The following FAIM2 variants were observed in gnomAD, a reference collection of about 807,000 sequenced individuals.
FAIM2 encodes the protein Fas apoptotic inhibitory molecule 2.
FAIM2 carries 27 observed loss-of-function variants against 47.4 expected under a neutral mutation model. That is an observed-to-expected ratio of 0.57 (90% confidence interval 0.42 to 0.78). The LOEUF is 0.78. Ranked by LOEUF, FAIM2 falls within the 30% of genes least tolerant of loss-of-function variation. The pLI is 0.00. For synonymous variants in FAIM2, 156 were observed against 159.3 expected (o/e 0.98, Z 0.16); for missense variants, 311 against 389.4 (o/e 0.80, Z 1.69).
At position 49,879,351 on chromosome 12, in the gene FAIM2, TGA is replaced by T. The variant is rs1156986964; in HGVS notation, c.801+8033_801+8034del. ...GTGTGTATGTGTTTATGTGTGCATG[TGA>T]GTGCATGTGTGTGCATGTGTGTATA... is the stretch of plus-strand genomic sequence containing the variant. On this transcript the variant is annotated intron_variant, in intron 11 of 11. Coordinates refer to ENST00000320634, the MANE Select transcript of FAIM2 (RefSeq NM_012306.4). Among the ~76,000 whole-genome samples, 248 of 151,300 alleles carry T rather than the reference TGA, an allele frequency of 1.6e-3. 1 individual carries two copies. The highest frequency in any genetic ancestry group is 0.016 in the South Asian group (77 of 4,758).
intron 6 of FAIM2, 75 bp from the exon 7 acceptor site, chr12:49,890,797 G>A: frequency 7.5e-7 from 1 of 1,340,360 alleles, no homozygotes; most frequent in Non-Finnish European, 1.1e-6. Flanking sequence ...CACTGTTGCA[G>A]GGAGGGGGTC....
intron 7 of FAIM2, 104 bp from the exon 8 acceptor site, chr12:49,890,258 A>C (rs778598510): frequency 7.0e-5 from 72 of 1,021,906 alleles, no homozygotes; most frequent in Non-Finnish European, 9.6e-5. Context: ...GTACCCCTCA[A>C]CTCTTTGTCT....
At position 49,867,255 on chromosome 12, in the gene FAIM2, T is replaced by G. The variant is rs1158258171; in HGVS notation, c.*3249A>C. 6.6e-6 allele frequency: 1 copy of G among 152,130 alleles called. No homozygotes were observed. Among genetic ancestry groups the G allele is most frequent in the African/African-American group, 2.4e-5 (1 of 41,382 alleles). The allele number at this position is 152,130 out of a possible 1,614,324, so 9.4% of individuals were successfully genotyped here. ...TCCAGCCACATGGGCCCTCGGTGACTCTCCCAAACCAGGCCCTGCGTTTCC... is the reference window on the plus strand; with the variant it reads ...TCCAGCCACATGGGCCCTCGGTGACGCTCCCAAACCAGGCCCTGCGTTTCC... On this transcript the variant is annotated 3_prime_UTR_variant, in exon 12 of 12. Transcript: ENST00000320634.
intron 11 of FAIM2, among the ~76,000 whole-genome samples, chr12:49,879,972 G>GTGTA (rs1313877639): frequency 0.015 from 1,298 of 87,562 alleles, 5 homozygotes; most frequent in Admixed American, 0.032. Flanking sequence ...GCATGTGTGT[G>GTGTA]TATATGTGAG....
chr12:49,900,086 G>A (rs1946971258), intron 2 of FAIM2: 5 of 633,590 alleles, frequency 7.9e-6, no homozygotes, highest in Non-Finnish European at 1.2e-5. Context: ...ACAGAGGGAA[G>A]GGGAAAAGAG....
intron 1 of FAIM2, chr12:49,902,193 C>T (rs1362619901): frequency 6.6e-6 from 1 of 152,144 alleles, no homozygotes; most frequent in East Asian, 1.9e-4. Flanking sequence ...GCCCCCCACC[C>T]GTGGACATGT....
Position 49,867,690 on chromosome 12 carries a change from G to A in FAIM2, c.*2814C>T, listed in dbSNP as rs903866663. 4.6e-5 allele frequency: 7 copies of A among 152,246 alleles called. No homozygotes were observed. Among genetic ancestry groups the A allele is most frequent in the Non-Finnish European group, 1.0e-4 (7 of 68,090 alleles). 9.4% of individuals were successfully genotyped at this position (152,246 alleles called of 1,614,324 possible). ...GCCCAGCCCCACCCAGGCCAAAAAT[G>A]TGAAGGGCCTGCAGACTCCCTTCCT... On this transcript the variant is annotated 3_prime_UTR_variant, in exon 12 of 12. Transcript: ENST00000320634.
intron 3 of FAIM2, among the ~76,000 whole-genome samples, 183 bp from the exon 4 acceptor site, chr12:49,897,766 C>A (rs1485977844): frequency 6.6e-6 from 1 of 151,378 alleles, no homozygotes; most frequent in African/African-American, 2.4e-5. Context: ...CCAAGCGCAC[C>A]CCCCCCCAGC....
chr12:49,890,925 T>G (rs1381276762), intron 6 of FAIM2, 139 bp downstream of exon 6: 1 of 915,582 alleles, frequency 1.1e-6, no homozygotes, highest in African/African-American at 1.6e-5. Context: ...AGGGAGGGGC[T>G]GCCTGCTCGA....
chr12:49,898,971 T>TG (rs1212530858), intron 2 of FAIM2, among the ~76,000 whole-genome samples: 4 of 151,314 alleles, frequency 2.6e-5, no homozygotes, highest in Admixed American at 6.6e-5. Context: ...GGGCAAGAAG[T>TG]GGGGGTGAGG....
At chr12:49,873,542 G>C (rs1176534193) in intron 11 of FAIM2, among the ~76,000 whole-genome samples, 5 of 152,114 alleles carry the variant, frequency 3.3e-5, no homozygotes, top group East Asian at 3.9e-4. Context: ...AGCTTGCTTG[G>C]TTGGTTTCCC....
Position 49,897,579 on chromosome 12 carries a change from T to A in FAIM2, c.320A>T (p.Tyr107Phe), listed in dbSNP as rs140168971. 1 of 1,613,700 alleles carries A rather than the reference T, an allele frequency of 6.2e-7. No individual in the cohort carries two copies. The highest frequency in any genetic ancestry group is 8.5e-7 in the Non-Finnish European group (1 of 1,179,754). The change falls in exon 4 of 12, where the codon TAC becomes TTC. Residue 107 changes from tyrosine to phenylalanine, a missense_variant. Coordinates refer to ENST00000320634, the MANE Select transcript of FAIM2 (RefSeq NM_012306.4). Reference protein sequence around the residue: ...KVRRVFVRKVYTILLIQLLVT... With the variant: ...KVRRVFVRKVFTILLIQLLVT... ...CAGCAGCTGAATCAGCAGGATGGTG[T>A]AGACCTGGGGGTGGGAGGGGTTCTA...
At chr12:49,896,668 A>G (rs1182662156) in intron 5 of FAIM2, among the ~76,000 whole-genome samples, 1 of 152,260 alleles carries the variant, frequency 6.6e-6, no homozygotes, top group East Asian at 1.9e-4. Context: ...TACTAACAAC[A>G]TTAATAAGAG....
chr12:49,882,701 G>C (rs1452330614), intron 11 of FAIM2, among the ~76,000 whole-genome samples: 1 of 152,152 alleles, frequency 6.6e-6, no homozygotes, highest in Non-Finnish European at 1.5e-5. Context: ...TAGCCTGTGC[G>C]TCCTCTGCCT....
chr12:49,891,490 TCTTTA>T (rs1393063158), intron 5 of FAIM2, among the ~76,000 whole-genome samples: 1 of 152,150 alleles, frequency 6.6e-6, no homozygotes, highest in Non-Finnish European at 1.5e-5. Context: ...AATCCTCATA[TCTTTA>T]CTTTACTGCT....
At chr12:49,878,001 CATGTGCATGTGTGT>C (rs1168504808) in intron 11 of FAIM2, among the ~76,000 whole-genome samples, 67 of 145,584 alleles carry the variant, frequency 4.6e-4, no homozygotes, top group African/African-American at 1.7e-3. Flanking sequence ...TGTATGTGTG[CATGTGCATGTGTGT>C]ATGTGTGAGT....
chr12:49,887,355 G>A lies in FAIM2; in HGVS notation c.801+31C>T, dbSNP rs759970003. On this transcript the variant is annotated intron_variant, in intron 11 of 11. Transcript: ENST00000320634. The stretch of plus-strand genomic sequence containing the variant: ...GGGGTGATGGTCAGGATGCTGGGAA[G>A]GAGGCTGCCAAGGAGCTAGACCACA... 9 of 1,595,034 alleles carry A rather than the reference G, an allele frequency of 5.6e-6. No homozygotes were observed. In the African/African-American group the frequency reaches 1.2e-4, roughly 21 times the overall value.
Position 49,869,693 on chromosome 12 carries a change from G to A in FAIM2, c.*811C>T, listed in dbSNP as rs1565610587. On this transcript the variant is annotated 3_prime_UTR_variant, in exon 12 of 12. Coordinates refer to ENST00000320634, the MANE Select transcript of FAIM2 (RefSeq NM_012306.4). The stretch of plus-strand genomic sequence containing the variant: ...AAGTGAGTGAGAGGATGTGGGTCTC[G>A]GTCCTGCAACCCCAAATGCCTCCCA... The A allele has an allele frequency of 6.6e-6, 1 of 152,250 alleles. No individual in the cohort carries two copies. Among genetic ancestry groups the A allele is most frequent in the Non-Finnish European group, 1.5e-5 (1 of 68,206 alleles). 9.4% of individuals were successfully genotyped at this position (152,250 alleles called of 1,614,324 possible).
At position 49,892,321 on chromosome 12, in the gene FAIM2, C is replaced by T. The variant is rs912334769; in HGVS notation, c.435-1207G>A. 2.2e-4 allele frequency among the ~76,000 whole-genome samples: 33 copies of T among 152,152 alleles called. 1 individual carries two copies. The highest frequency in any genetic ancestry group is 8.0e-4 in the African/African-American group (33 of 41,428). ...ACTGGTACCTCTCCTCCCACACAAG[C>T]CTCCTCAGCTGTTTTCCGTCTTTAA... On this transcript the variant is annotated intron_variant, in intron 5 of 11. Coordinates refer to ENST00000320634, the MANE Select transcript of FAIM2 (RefSeq NM_012306.4).
Sources: gnomAD v4.1 joint callset for allele counts (sites outside exome capture counted in the v4.1 genomes callset) on GRCh38, gnomAD v4.1.1 for gene constraint, MANE v1.5 for transcripts, NCBI Gene and HGNC (gene_info 2026-07-23, HGNC 2026-07-21) for gene names.